The following PCDH9 variants were observed in gnomAD, a reference collection of about 807,000 sequenced individuals.
The protein encoded by PCDH9 is protocadherin-9.
In PCDH9, 24 loss-of-function variants were observed where a neutral mutation model predicts 70.6. The ratio of observed to expected loss-of-function variants is 0.34; its 90% CI spans 0.25 to 0.48. The LOEUF is 0.48. Among genes scored for constraint, PCDH9 ranks in the 20% least tolerant of loss-of-function variants. The pLI is 0.99. For synonymous variants in PCDH9, 562 were observed against 558.5 expected, an observed-to-expected ratio of 1.01 and a Z score of -0.09; for missense variants, 1,281 against 1,503.6, an observed-to-expected ratio of 0.85 and a Z score of 2.45.
chr13:66,496,152 C>T (rs1389951161), intron 4 of PCDH9, among the ~76,000 whole-genome samples: 1 of 152,156 alleles, frequency 6.6e-6, no homozygotes, highest in Non-Finnish European at 1.5e-5. Flanking sequence ...TTGGTTGACC[C>T]GTGCTGAACA....
chr13:67,044,394 T>C (rs1022029428), intron 2 of PCDH9, among the ~76,000 whole-genome samples: 1 of 152,188 alleles, frequency 6.6e-6, no homozygotes, highest in Non-Finnish European at 1.5e-5. Context: ...ATCAAAATGA[T>C]ACCCCAAATG....
At chr13:67,032,856 AAG>A (rs1222678085) in intron 2 of PCDH9, among the ~76,000 whole-genome samples, 2 of 152,166 alleles carry the variant, frequency 1.3e-5, no homozygotes, top group Non-Finnish European at 2.9e-5. Context: ...CTGTGTTTTG[AAG>A]CATTCAGTCA....
intron 3 of PCDH9, among the ~76,000 whole-genome samples, chr13:66,824,521 T>C (rs1017332820): frequency 6.7e-6 from 1 of 148,598 alleles, no homozygotes; most frequent in African/African-American, 2.5e-5. Flanking sequence ...TCTGGCATGG[T>C]GGCAGGCACC....
intron 2 of PCDH9, chr13:67,223,201 A>G (rs2089771791): frequency 6.6e-6 from 1 of 152,156 alleles, no homozygotes; most frequent in Admixed American, 6.5e-5. Flanking sequence ...TCCTATTTGA[A>G]AGATTACATC....
At chr13:66,825,497 C>G (rs868356265) in intron 3 of PCDH9, among the ~76,000 whole-genome samples, 5 of 150,428 alleles carry the variant, frequency 3.3e-5, no homozygotes, top group Admixed American at 2.0e-4. Context: ...CCACCATGCC[C>G]GGCTAATTTT....
chr13:66,684,715 G>A (rs1340487782), intron 3 of PCDH9, among the ~76,000 whole-genome samples: 1 of 152,072 alleles, frequency 6.6e-6, no homozygotes, highest in East Asian at 1.9e-4. Context: ...TCCAGTCTTG[G>A]CAGTTCTTTA....
chr13:66,736,319 G>A (rs550966956), intron 3 of PCDH9, among the ~76,000 whole-genome samples: 2 of 152,182 alleles, frequency 1.3e-5, no homozygotes, highest in South Asian at 2.1e-4. Context: ...AATCCAATCC[G>A]ATGTCTGTAG....
chr13:66,530,437 C>T lies in PCDH9; in HGVS notation c.3340+100773G>A, dbSNP rs138820272. 6.2e-4 allele frequency among the ~76,000 whole-genome samples: 94 copies of T among 151,996 alleles called. 1 individual carries two copies. In the East Asian group the frequency reaches 0.017, roughly 28 times the overall value. On this transcript the variant is annotated intron_variant, in intron 4 of 4. Coordinates refer to ENST00000377865, the MANE Select transcript of PCDH9 (RefSeq NM_203487.3). ...AGATAAATTATGTCCATAGTTATAC[C>T]TTTATTTTGAGATTCTTATCTCTGT...
At chr13:66,743,435 G>T (rs1333369915) in intron 3 of PCDH9, among the ~76,000 whole-genome samples, 1 of 148,602 alleles carries the variant, frequency 6.7e-6, no homozygotes, top group Non-Finnish European at 1.5e-5. Flanking sequence ...CATGGCACAT[G>T]TATACATATG....
intron 4 of PCDH9, among the ~76,000 whole-genome samples, chr13:66,511,053 G>A (rs749439389): frequency 8.5e-5 from 13 of 152,066 alleles, no homozygotes; most frequent in Non-Finnish European, 1.9e-4. Flanking sequence ...CGAGATAAAT[G>A]GTATCAATGA....
At chr13:67,043,975 T>G (rs755257542) in intron 2 of PCDH9, among the ~76,000 whole-genome samples, 54 of 152,140 alleles carry the variant, frequency 3.5e-4, no homozygotes, top group Non-Finnish European at 6.2e-4. Flanking sequence ...GACCACTCTT[T>G]GAACTAGCTC....
At chr13:66,600,135 A>G (rs996260325) in intron 4 of PCDH9, among the ~76,000 whole-genome samples, 1 of 151,916 alleles carries the variant, frequency 6.6e-6, no homozygotes, top group Non-Finnish European at 1.5e-5. Context: ...ATAGAATTAA[A>G]TATCTCCCCC....
At chr13:67,178,599 CA>C (rs2088528680) in intron 2 of PCDH9, among the ~76,000 whole-genome samples, 1 of 152,002 alleles carries the variant, frequency 6.6e-6, no homozygotes, top group South Asian at 2.1e-4. Flanking sequence ...TATGTAGTAG[CA>C]GCCACATCCA....
intron 2 of PCDH9, among the ~76,000 whole-genome samples, chr13:67,189,207 C>T (rs999652035): frequency 6.0e-5 from 9 of 149,494 alleles, no homozygotes; most frequent in Non-Finnish European, 1.0e-4. Flanking sequence ...TACATATATA[C>T]GTGTGTGTGT....
intron 2 of PCDH9, among the ~76,000 whole-genome samples, chr13:67,154,119 T>A (rs1341490414): frequency 6.6e-6 from 1 of 152,066 alleles, no homozygotes; most frequent in Non-Finnish European, 1.5e-5. Context: ...AAACAGTACA[T>A]GTATATAAGA....
chr13:66,824,611 T>C (rs2080777231), intron 3 of PCDH9, among the ~76,000 whole-genome samples: 1 of 129,758 alleles, frequency 7.7e-6, no homozygotes, highest in Non-Finnish European at 1.6e-5. Context: ...GCCCAGATAA[T>C]GCCATTGCAC....
At chr13:66,882,762 G>A (rs1324102352) in intron 3 of PCDH9, among the ~76,000 whole-genome samples, 1 of 152,156 alleles carries the variant, frequency 6.6e-6, no homozygotes, top group African/African-American at 2.4e-5. Context: ...TGGGAAAGAA[G>A]TCCCTTTATA....
intron 2 of PCDH9, among the ~76,000 whole-genome samples, chr13:67,013,264 A>AACACACACACACAC (rs111347560): frequency 0.036 from 5,254 of 144,382 alleles, 115 homozygotes; most frequent in Middle Eastern, 0.072. Context: ...TTTTTAATGT[A>AACACACACACACAC]ACACACACAC....
chr13:66,410,264 A>G (rs1195645554), intron 4 of PCDH9, among the ~76,000 whole-genome samples: 1 of 151,844 alleles, frequency 6.6e-6, no homozygotes, highest in African/African-American at 2.4e-5. Context: ...TTCAATGGAG[A>G]AATGTGATTC....
Sources: gnomAD v4.1 joint callset for allele counts (sites outside exome capture counted in the v4.1 genomes callset) on GRCh38, gnomAD v4.1.1 for gene constraint, MANE v1.5 for transcripts, NCBI Gene and HGNC (gene_info 2026-07-23, HGNC 2026-07-21) for gene names.